LATS2: variants seen among roughly 807,000 people sequenced by gnomAD.
LATS2 encodes the protein serine/threonine-protein kinase LATS2.
A neutral mutation model predicts 76.0 loss-of-function variants in LATS2; 24 were observed. That is an observed-to-expected ratio of 0.32 (90% CI 0.23 to 0.44). LATS2 has a LOEUF of 0.44. Ranked by LOEUF, LATS2 falls within the 20% of genes least tolerant of loss-of-function variation. The probability of loss-of-function intolerance (pLI) is 1.00; values close to 1 mark genes in which losing one functional copy is unlikely to be tolerated. For synonymous variants in LATS2, 692 were observed against 635.4 expected, an observed-to-expected ratio of 1.09 and a Z score of -1.34; for missense variants, 1,286 against 1,481.2, an observed-to-expected ratio of 0.87 and a Z score of 2.16.
In LATS2 at chr13:21,061,544, C is replaced by A. The variant is rs1384912016; in HGVS notation, c.-403G>T. 6.5e-6 allele frequency: 1 copy of A among 152,712 alleles called. No individual in the cohort carries two copies. The highest frequency in any genetic ancestry group is 1.5e-5 in the Non-Finnish European group (1 of 68,094). 9.5% of individuals were successfully genotyped at this position (152,712 alleles called of 1,614,324 possible). Reference sequence around the variant, plus strand: ...CACGCCGCGGTTCCAAAGCGCAGACCCAAGTGGGACATTCGCTACATTGTT... The same window carrying A: ...CACGCCGCGGTTCCAAAGCGCAGACACAAGTGGGACATTCGCTACATTGTT... On this transcript the variant is annotated 5_prime_UTR_variant, in exon 1 of 8. Transcript: ENST00000382592.
intron 2 of LATS2, among the ~76,000 whole-genome samples, chr13:20,995,103 T>G (rs1870693019): frequency 6.6e-6 from 1 of 152,074 alleles, no homozygotes; most frequent in African/African-American, 2.4e-5. Context: ...GAAATAAGGC[T>G]AATAGGTTGC....
intron 2 of LATS2, among the ~76,000 whole-genome samples, chr13:21,001,763 C>T (rs747096391): frequency 6.6e-6 from 1 of 151,952 alleles, no homozygotes; most frequent in Non-Finnish European, 1.5e-5. Flanking sequence ...CCTGTAGTCC[C>T]AGTTACTCCA....
intron 7 of LATS2, among the ~76,000 whole-genome samples, 179 bp from the exon 8 acceptor site, chr13:20,975,543 G>C (rs547460221): frequency 2.0e-4 from 30 of 152,272 alleles, no homozygotes; most frequent in African/African-American, 7.0e-4. Flanking sequence ...CATTTCAGTC[G>C]ATGGCTCACA....
Position 21,045,975 on chromosome 13 carries a change from G to A in LATS2, c.52C>T (p.Arg18Ter). ...ATTYSGNSRQ[R>*]LQEIREGLKQ... Reference sequence around the variant, plus strand: ...AACCCCTCACGAATCTCTTGCAGTCGCTGCCGGCTATTTCCAGAATAAGTC... The same window carrying A: ...AACCCCTCACGAATCTCTTGCAGTCACTGCCGGCTATTTCCAGAATAAGTC... Residue 18 changes from arginine (R) to a stop codon, truncating the protein, a stop_gained, in exon 2 of 8, where the codon CGA becomes TGA. Transcript: ENST00000382592. LOFTEE classifies it high-confidence loss of function. The A allele has an allele frequency of 6.2e-7, 1 of 1,614,004 alleles. No individual in the cohort carries two copies. The highest frequency in any genetic ancestry group is 8.5e-7 in the Non-Finnish European group (1 of 1,179,948).
At chr13:21,051,378 C>G (rs1195941325) in intron 1 of LATS2, among the ~76,000 whole-genome samples, 1 of 152,144 alleles carries the variant, frequency 6.6e-6, no homozygotes, top group African/African-American at 2.4e-5. Context: ...GGGTATGTGT[C>G]ACAATGAAAG....
intron 2 of LATS2, among the ~76,000 whole-genome samples, chr13:21,020,561 G>A (rs890577219): frequency 1.3e-5 from 2 of 152,160 alleles, no homozygotes; most frequent in African/African-American, 4.8e-5. Flanking sequence ...AATTCCTCTC[G>A]AGTACAGCTA....
intron 2 of LATS2, among the ~76,000 whole-genome samples, chr13:20,996,931 T>C (rs180816064): frequency 1.7e-4 from 26 of 152,284 alleles, no homozygotes; most frequent in African/African-American, 5.8e-4. Flanking sequence ...TAGAAGCTAG[T>C]AGGGCTAAAT....
At chr13:20,979,054 G>A (rs1238662453) in intron 7 of LATS2, among the ~76,000 whole-genome samples, 1 of 152,052 alleles carries the variant, frequency 6.6e-6, no homozygotes, top group Non-Finnish European at 1.5e-5. Context: ...GAGCCACTGC[G>A]CCCAGCCTAT....
Position 21,012,797 on chromosome 13 carries a change from C to A in LATS2, c.343-21393G>T, listed in dbSNP as rs1182626083. On this transcript the variant is annotated intron_variant, in intron 2 of 7. Coordinates refer to ENST00000382592, the MANE Select transcript of LATS2 (RefSeq NM_014572.3). Reference sequence around the variant, plus strand: ...TTGGGTGAATCACACCCCCCCCCCACCTCCTAGGAAATAAGGGTTCCTAAC... The same window carrying A: ...TTGGGTGAATCACACCCCCCCCCCAACTCCTAGGAAATAAGGGTTCCTAAC... Among the ~76,000 whole-genome samples the A allele has an allele frequency of 2.0e-5, 3 of 151,558 alleles. No homozygotes were observed. In the South Asian group the frequency reaches 6.3e-4, roughly 32 times the overall value.
chr13:21,046,326 T>C (rs543126939), intron 1 of LATS2, 96 bp from the exon 2 acceptor site: 11 of 318,390 alleles, frequency 3.5e-5, no homozygotes, highest in Non-Finnish European at 6.4e-5. Flanking sequence ...CGTGGAAATA[T>C]ACCGCTTGGA....
chr13:20,978,648 C>T (rs1003947714), intron 7 of LATS2, among the ~76,000 whole-genome samples: 2 of 152,204 alleles, frequency 1.3e-5, no homozygotes, highest in Non-Finnish European at 2.9e-5. Context: ...ATCCCTGAGA[C>T]AGCAAGGCCA....
rs1220925092 is a variant in LATS2, at chr13:20,990,478, TTTTTTTTTTA to T, written c.475+784_475+793del. On this transcript the variant is annotated intron_variant, in intron 3 of 7. Transcript: ENST00000382592. ...TTACTAGGATTTTTTTTTTTTTTTT[TTTTTTTTTTA>T]AATACAGACGAGGTCTCCCTCTGTT... Among the ~76,000 whole-genome samples, 815 of 140,972 alleles carry T rather than the reference TTTTTTTTTTA, an allele frequency of 5.8e-3. 10 individuals carry two copies. Among genetic ancestry groups the T allele is most frequent in the African/African-American group, 0.019 (710 of 37,336 alleles). 92.5% of individuals were successfully genotyped at this position (140,972 alleles called of 152,430 possible). A position where few individuals can be genotyped will look rare whatever the true frequency, so the allele number is the denominator to read the frequency against.
chr13:21,060,652 C>T (rs1433467151), intron 1 of LATS2, among the ~76,000 whole-genome samples: 1 of 151,702 alleles, frequency 6.6e-6, no homozygotes, highest in Non-Finnish European at 1.5e-5. Flanking sequence ...AACCGCGCGG[C>T]AGTGGGTGAG....
At chr13:21,028,554 T>C (rs1565959396) in intron 2 of LATS2, among the ~76,000 whole-genome samples, 1 of 152,220 alleles carries the variant, frequency 6.6e-6, no homozygotes, top group Non-Finnish European at 1.5e-5. Flanking sequence ...TATTTCTAAA[T>C]ACTACTGTAA....
intron 2 of LATS2, among the ~76,000 whole-genome samples, chr13:20,998,632 G>A (rs1305773467): frequency 2.0e-5 from 3 of 152,226 alleles, no homozygotes; most frequent in Admixed American, 6.5e-5. Context: ...GAAGAATGAG[G>A]CCCTCCGGGC....
chr13:21,048,704 G>A (rs184519159), intron 1 of LATS2, among the ~76,000 whole-genome samples: 1 of 152,158 alleles, frequency 6.6e-6, no homozygotes, highest in East Asian at 1.9e-4. Flanking sequence ...AGGCATGGTG[G>A]CGGGTGCCTA....
At chr13:21,035,077 C>T (rs768537849) in intron 2 of LATS2, among the ~76,000 whole-genome samples, 1 of 151,712 alleles carries the variant, frequency 6.6e-6, no homozygotes, top group African/African-American at 2.4e-5. Flanking sequence ...TTGACAAGAA[C>T]AAACCAAACA....
chr13:20,973,304 T>C lies in LATS2; in HGVS notation c.*1566A>G, dbSNP rs1869421969. On this transcript the variant is annotated 3_prime_UTR_variant, in exon 8 of 8. Coordinates refer to ENST00000382592, the MANE Select transcript of LATS2 (RefSeq NM_014572.3). ...TTTATTTTTTTAGTTTAAACACTGA[T>C]AAACTTCTAAGTGTTGTTGCCTAGA... 1 of 231,338 alleles carries C rather than the reference T, an allele frequency of 4.3e-6. No individual in the cohort carries two copies. Among genetic ancestry groups the C allele is most frequent in the Non-Finnish European group, 8.6e-6 (1 of 116,800 alleles). 14.3% of individuals were successfully genotyped at this position (231,338 alleles called of 1,614,324 possible).
At chr13:20,990,426 C>T (rs1374688878) in intron 3 of LATS2, among the ~76,000 whole-genome samples, 1 of 147,102 alleles carries the variant, frequency 6.8e-6, no homozygotes, top group Non-Finnish European at 1.5e-5. Flanking sequence ...CCAAGGTCTT[C>T]CACAAAATAG....
Sources: allele counts gnomAD v4.1 joint callset (sites outside exome capture counted in the v4.1 genomes callset), GRCh38; gene constraint gnomAD v4.1.1; transcripts MANE v1.5; gene names NCBI Gene and HGNC (gene_info 2026-07-23, HGNC 2026-07-21).